The following CROCC2 variants were observed in gnomAD, a reference collection of about 807,000 sequenced individuals.
The protein encoded by CROCC2 is ciliary rootlet coiled-coil protein 2.
CROCC2 carries 163 observed loss-of-function variants against 177.6 expected under a neutral mutation model. That is an observed-to-expected ratio of 0.92 (90% CI 0.81 to 1.05). CROCC2 has a LOEUF of 1.05. CROCC2 is among the 50% of genes least tolerant of loss of function. The pLI is 0.00. For missense variants in CROCC2, 1,929 were observed against 1,797.8 expected (o/e 1.07, Z -1.32); for synonymous variants, 904 against 787.3 (o/e 1.15, Z -2.48).
At chr2:240,946,364 AGCGTGT>A in intron 15 of CROCC2, 111 bp downstream of exon 15, 1 of 1,113,938 alleles carries the variant, frequency 9.0e-7, no homozygotes, top group Non-Finnish European at 1.2e-6. Context: ...ACTGGGAGGG[AGCGTGT>A]GCCCATGAAA....
chr2:240,991,143 G>T, intron 30 of CROCC2, 53 bp from the exon 31 acceptor site: 1 of 1,396,982 alleles, frequency 7.2e-7, no homozygotes. Context: ...TATGCCCTGG[G>T]GCCCTGGCCG....
At chr2:240,955,025 C>A (rs2059582130) in intron 18 of CROCC2, 1 of 152,110 alleles carries the variant, frequency 6.6e-6, no homozygotes, top group East Asian at 1.9e-4. Flanking sequence ...ATTTTTAATA[C>A]AAAAGGAATG....
In CROCC2 at chr2:240,949,463, C is replaced by A; in HGVS notation, c.2483-70C>A. On this transcript the variant is annotated intron_variant, in intron 16 of 31. Coordinates refer to ENST00000690015, the MANE Select transcript of CROCC2 (RefSeq NM_001351305.2). This position sits in a 1 kb window ranked among gnomAD's most constrained non-coding sequence, Gnocchi z 4.5. ...GTGCTTGCCCCCAAGACTGTCACTC[C>A]CTAGGAAGTCCCAAAGGGTTCAGGG... is the stretch of plus-strand genomic sequence containing the variant. The A allele has an allele frequency of 6.6e-7, 1 of 1,508,846 alleles. No homozygotes were observed. Among genetic ancestry groups the A allele is most frequent in the Non-Finnish European group, 9.0e-7 (1 of 1,116,904 alleles). The allele number at this position is 1,508,846 out of a possible 1,614,324, so 93.5% of individuals were successfully genotyped here.
chr2:240,925,090 C>T (rs2059387333), intron 4 of CROCC2, among the ~76,000 whole-genome samples: 1 of 151,960 alleles, frequency 6.6e-6, no homozygotes, highest in Non-Finnish European at 1.5e-5. Flanking sequence ...GTTAAGTTGT[C>T]TATAGAATAT....
In CROCC2 at chr2:240,949,420, C is replaced by T. The variant is rs1457651299; in HGVS notation, c.2483-113C>T. On this transcript the variant is annotated intron_variant, in intron 16 of 31. Transcript: ENST00000690015. The surrounding 1 kb of genome is among the most constrained non-coding windows in gnomAD (Gnocchi z 4.5). ...CTGCCATGTGCTGGCCACCCACTCC[C>T]GGAGCCTGGAGTGGACAGTGCTTGC... 4 of 1,314,160 alleles carry T rather than the reference C, an allele frequency of 3.0e-6. No homozygotes were observed. Among genetic ancestry groups the T allele is most frequent in the East Asian group, 2.5e-5 (1 of 39,268 alleles). 81.4% of individuals were successfully genotyped at this position (1,314,160 alleles called of 1,614,324 possible).
At chr2:240,933,965 C>G (rs2059450615) in intron 11 of CROCC2, 113 bp downstream of exon 11, 4 of 1,213,418 alleles carry the variant, frequency 3.3e-6, no homozygotes, top group Non-Finnish European at 4.5e-6. Context: ...TGTCTCATCT[C>G]AGGGTGTGGT....
chr2:240,983,197 A>T (rs761249419), intron 28 of CROCC2, 168 bp downstream of exon 28: 82 of 846,946 alleles, frequency 9.7e-5, no homozygotes, highest in Non-Finnish European at 8.7e-5. Flanking sequence ...GGCACCATCC[A>T]GTCCCCCGCT....
chr2:240,990,358 G>A (rs935570632), intron 30 of CROCC2, among the ~76,000 whole-genome samples: 9 of 152,200 alleles, frequency 5.9e-5, no homozygotes, highest in East Asian at 1.9e-4. Flanking sequence ...ATATGTACAC[G>A]TGACAGACCT....
Position 240,946,308 on chromosome 2 carries a change from G to C in CROCC2, c.2363+55G>C, listed in dbSNP as rs2059524208. The C allele has an allele frequency of 3.4e-6, 5 of 1,456,012 alleles. No individual in the cohort carries two copies. In the South Asian group the frequency reaches 6.8e-5, roughly 20 times the overall value. The allele number at this position is 1,456,012 out of a possible 1,614,324, so 90.2% of individuals were successfully genotyped here. On this transcript the variant is annotated intron_variant, in intron 15 of 31. Coordinates refer to ENST00000690015, the MANE Select transcript of CROCC2 (RefSeq NM_001351305.2). Reference sequence around the variant, plus strand: ...TCCCACGTGTCCTTGCCCACAGAGAGTCTGCAGTGTGGCAGGGTATGGGGA... The same window carrying C: ...TCCCACGTGTCCTTGCCCACAGAGACTCTGCAGTGTGGCAGGGTATGGGGA...
At position 240,930,226 on chromosome 2, in the gene CROCC2, G is replaced by A; in HGVS notation, c.706G>A (p.Val236Met). Residue 236 changes from valine to methionine, a missense_variant, in exon 6 of 32, where the codon GTG becomes ATG. Transcript: ENST00000690015. ...DLLLLWRQAV[V>M]LGTDLAELRV... The stretch of plus-strand genomic sequence containing the variant: ...CCTCCTCCTGTGGAGACAGGCCGTG[G>A]TGCTGGGGACAGACCTGGCCGAGCT... The A allele has an allele frequency of 1.7e-6, 1 of 599,648 alleles. No homozygotes were observed. Among genetic ancestry groups the A allele is most frequent in the East Asian group, 3.0e-5 (1 of 32,998 alleles). The allele number at this position is 599,648 out of a possible 1,614,324, so 37.1% of individuals were successfully genotyped here.
chr2:240,936,546 T>C (rs369020633), intron 14 of CROCC2, among the ~76,000 whole-genome samples: 4 of 152,360 alleles, frequency 2.6e-5, no homozygotes, highest in African/African-American at 4.8e-5. Context: ...TGCATAGTTA[T>C]ATTCCTTGGG....
Position 240,967,404 on chromosome 2 carries a change from G to A in CROCC2, c.4206G>A (p.Arg1402=), listed in dbSNP as rs1353774979. 1 of 946,258 alleles carries A rather than the reference G, an allele frequency of 1.1e-6. No homozygotes were observed. Among genetic ancestry groups the A allele is most frequent in the South Asian group, 1.4e-5 (1 of 72,110 alleles). The allele number at this position is 946,258 out of a possible 1,614,324, so 58.6% of individuals were successfully genotyped here. A position where few individuals can be genotyped will look rare whatever the true frequency, so the allele number is the denominator to read the frequency against. The change falls in exon 26 of 32, where the codon AGG becomes AGA. Residue 1402 remains arginine, a synonymous_variant. Coordinates refer to ENST00000690015, the MANE Select transcript of CROCC2 (RefSeq NM_001351305.2). The stretch of plus-strand genomic sequence containing the variant: ...GCCGGCTGAGCGAGGCAGAGTGCAG[G>A]TGTGCCCGGGCCCAGAGCCGCGTGG... The part of the protein sequence containing the change: ...LSSRLSEAEC[R]CARAQSRVGQ...
rs963277146 is a variant in CROCC2, at chr2:240,931,132, G to A, written c.947+4G>A. The A allele has an allele frequency of 2.7e-5, 19 of 708,342 alleles. No homozygotes were observed. Among genetic ancestry groups the A allele is most frequent in the Non-Finnish European group, 4.7e-5 (18 of 379,916 alleles). The allele number at this position is 708,342 out of a possible 1,614,324, so 43.9% of individuals were successfully genotyped here. A position where few individuals can be genotyped will look rare whatever the true frequency, so the allele number is the denominator to read the frequency against. ...AGAAGGTGGCGCTCCAGGCCAGGTG[G>A]GCGCCCAGGGCCAGCAAGCTTGCAC... is the stretch of plus-strand genomic sequence containing the variant. On this transcript the variant is annotated splice_donor_region_variant and intron_variant, in intron 7 of 31. Transcript: ENST00000690015.
At chr2:240,985,779 C>CTCCACAT in intron 28 of CROCC2, 1 of 336,344 alleles carries the variant, frequency 3.0e-6, no homozygotes, top group African/African-American at 2.4e-5. Context: ...AGGCACTCAG[C>CTCCACAT]ACACACCCAG....
rs910138980 is a variant in CROCC2 at position 240,958,708 on chromosome 2, CCT to C, written c.2944-592_2944-591del. 5 of 533,876 alleles carry C rather than the reference CCT, an allele frequency of 9.4e-6. No homozygotes were observed. The Admixed American group carries it at 3.2e-4, about 34-fold the overall frequency. The allele number at this position is 533,876 out of a possible 1,614,324, so 33.1% of individuals were successfully genotyped here. A position where few individuals can be genotyped will look rare whatever the true frequency, so the allele number is the denominator to read the frequency against. On this transcript the variant is annotated intron_variant, in intron 19 of 31. Coordinates refer to ENST00000690015, the MANE Select transcript of CROCC2 (RefSeq NM_001351305.2). The surrounding 1 kb of genome is among the most constrained non-coding windows in gnomAD (Gnocchi z 6.7). ...ACTGAGGCCCAGGAAGCTGAGACCC[CCT>C]GAGCCCCATCTGCCCTGCTGCCGCA... is the stretch of plus-strand genomic sequence containing the variant.
At chr2:240,955,741 G>T in intron 18 of CROCC2, 118 bp from the exon 19 acceptor site, 2 of 654,746 alleles carry the variant, frequency 3.1e-6, no homozygotes, top group South Asian at 1.9e-5. Flanking sequence ...ACATGAACGT[G>T]CTGTGTCCAG....
chr2:240,925,210 G>A (rs1247437264), intron 4 of CROCC2, among the ~76,000 whole-genome samples: 1 of 152,226 alleles, frequency 6.6e-6, no homozygotes, highest in Non-Finnish European at 1.5e-5. Context: ...GGAGGCTTAG[G>A]CCTGGCGGGG....
At position 240,964,350 on chromosome 2, in the gene CROCC2, CTG is replaced by C. The variant is rs2059662553; in HGVS notation, c.3306-113_3306-112del. The C allele has an allele frequency of 4.0e-6, 5 of 1,255,864 alleles. No homozygotes were observed. In the Admixed American group the frequency reaches 8.6e-5, roughly 22 times the overall value. The allele number at this position is 1,255,864 out of a possible 1,614,324, so 77.8% of individuals were successfully genotyped here. On this transcript the variant is annotated intron_variant, in intron 21 of 31. Transcript: ENST00000690015. ...CCTGCAGAGGCTGAGTTTGAGGACA[CTG>C]TGCAGAGTCAAGACTGGGGCCAGTG...
Position 240,935,312 on chromosome 2 carries a change from C to G in CROCC2, c.1939-46C>G, listed in dbSNP as rs192596738. Reference sequence around the variant, plus strand: ...TTGGGGATGGCTGGCCTACAGGGACCGAGGATGGGGGGAGTGGATGCAGAG... The same window carrying G: ...TTGGGGATGGCTGGCCTACAGGGACGGAGGATGGGGGGAGTGGATGCAGAG... On this transcript the variant is annotated intron_variant, in intron 13 of 31. Transcript: ENST00000690015. The G allele has an allele frequency of 4.5e-6, 6 of 1,324,404 alleles. No homozygotes were observed. In the African/African-American group the frequency reaches 4.6e-5, roughly 10 times the overall value. 82.0% of individuals were successfully genotyped at this position (1,324,404 alleles called of 1,614,324 possible). A position where few individuals can be genotyped will look rare whatever the true frequency, so the allele number is the denominator to read the frequency against.
Sources: gnomAD v4.1 joint callset for allele counts (sites outside exome capture counted in the v4.1 genomes callset) on GRCh38, gnomAD v4.1.1 for gene constraint, Gnocchi (gnomAD v3.1) non-coding constraint, MANE v1.5 for transcripts, NCBI Gene and HGNC (gene_info 2026-07-23, HGNC 2026-07-21) for gene names.